The following MEMO1 variants were observed in gnomAD, a reference collection of about 807,000 sequenced individuals.
MEMO1 encodes the protein protein MEMO1.
Under a neutral mutation model 45.2 loss-of-function variants are expected in MEMO1, and 6 were observed. That is an observed-to-expected ratio of 0.13 (90% CI 0.07 to 0.26). The LOEUF is 0.26. Among genes scored for constraint, MEMO1 ranks in the 10% least tolerant of loss-of-function variants. The probability of loss-of-function intolerance (pLI) is 1.00; values close to 1 mark genes in which losing one functional copy is unlikely to be tolerated. For synonymous variants in MEMO1, 78 were observed against 124.3 expected (o/e 0.63, Z 2.48); for missense variants, 184 against 370.5 (o/e 0.50, Z 4.13).
chr2:31,991,458 C>G (rs776208204), intron 2 of MEMO1, among the ~76,000 whole-genome samples: 2 of 151,678 alleles, frequency 1.3e-5, no homozygotes, highest in African/African-American at 4.8e-5. Flanking sequence ...GTAATCCCAG[C>G]TACTTGGGAG....
At chr2:31,919,684 T>A (rs13414295) in intron 5 of MEMO1, among the ~76,000 whole-genome samples, 7 of 151,612 alleles carry the variant, frequency 4.6e-5, no homozygotes, top group African/African-American at 1.7e-4. Context: ...TTAATTGGGT[T>A]TGGTGATGTG....
chr2:31,993,021 G>A (rs922563864), intron 2 of MEMO1, among the ~76,000 whole-genome samples: 3 of 152,024 alleles, frequency 2.0e-5, no homozygotes, highest in Non-Finnish European at 4.4e-5. Context: ...AAAAAGGGTC[G>A]ATTTTTCTAC....
At chr2:31,981,110 C>T (rs897115965) in intron 2 of MEMO1, among the ~76,000 whole-genome samples, 1 of 152,188 alleles carries the variant, frequency 6.6e-6, no homozygotes, top group Non-Finnish European at 1.5e-5. Flanking sequence ...TTATCAGAAT[C>T]ATATACAGAG....
chr2:31,873,084 C>T (rs1478585892), intron 8 of MEMO1, among the ~76,000 whole-genome samples: 1 of 152,126 alleles, frequency 6.6e-6, no homozygotes, highest in South Asian at 2.1e-4. Flanking sequence ...AAAGAATATC[C>T]TTCCCCAATT....
chr2:31,969,339 A>G (rs1435569172), intron 2 of MEMO1, among the ~76,000 whole-genome samples: 1 of 148,066 alleles, frequency 6.8e-6, no homozygotes, highest in African/African-American at 2.5e-5. Context: ...GTGTATATAT[A>G]CACATTATAC....
intron 6 of MEMO1, among the ~76,000 whole-genome samples, chr2:31,910,961 T>C (rs188498679): frequency 6.0e-4 from 91 of 151,410 alleles, no homozygotes; most frequent in Non-Finnish European, 9.7e-4. Context: ...TATGTATAAA[T>C]GATATGATGA....
At chr2:32,006,586 C>T (rs1381302006) in intron 2 of MEMO1, among the ~76,000 whole-genome samples, 2 of 143,802 alleles carry the variant, frequency 1.4e-5, no homozygotes, top group African/African-American at 5.3e-5. Context: ...GCTACTGGAC[C>T]TTACCAAAAA....
At chr2:31,946,590 G>A (rs1392033016) in intron 2 of MEMO1, among the ~76,000 whole-genome samples, 7 of 152,136 alleles carry the variant, frequency 4.6e-5, no homozygotes, top group Non-Finnish European at 5.9e-5. Flanking sequence ...GGCCAGGCGC[G>A]GTGGCTCATG....
At chr2:31,955,205 C>CA (rs1316653108) in intron 2 of MEMO1, among the ~76,000 whole-genome samples, 1 of 150,760 alleles carries the variant, frequency 6.6e-6, no homozygotes, top group Non-Finnish European at 1.5e-5. Flanking sequence ...AAAAAAAAAA[C>CA]AAAAAACAAA....
At chr2:31,990,571 C>CATTTT (rs1349949014) in intron 2 of MEMO1, among the ~76,000 whole-genome samples, 1 of 119,998 alleles carries the variant, frequency 8.3e-6, no homozygotes, top group Non-Finnish European at 1.8e-5. Flanking sequence ...AATTTTTTTT[C>CATTTT]TTTTTTTTTT....
chr2:31,870,933 T>C (rs1181478357), intron 8 of MEMO1, among the ~76,000 whole-genome samples: 1 of 152,198 alleles, frequency 6.6e-6, no homozygotes, highest in African/African-American at 2.4e-5. Context: ...TTTTTATCTC[T>C]TTATTCTTTA....
chr2:31,883,077 G>A (rs758214580), intron 8 of MEMO1, among the ~76,000 whole-genome samples: 7 of 152,060 alleles, frequency 4.6e-5, no homozygotes, highest in Non-Finnish European at 1.0e-4. Flanking sequence ...GGTTATTACT[G>A]CTTAACAGTA....
chr2:31,935,648 A>C (rs1403372025), intron 3 of MEMO1, among the ~76,000 whole-genome samples: 1 of 152,176 alleles, frequency 6.6e-6, no homozygotes, highest in Non-Finnish European at 1.5e-5. Flanking sequence ...AAAGAAGATA[A>C]TTTCTTGTAA....
chr2:31,888,758 A>C (rs1676529704), intron 7 of MEMO1, among the ~76,000 whole-genome samples: 2 of 152,040 alleles, frequency 1.3e-5, no homozygotes, highest in South Asian at 4.1e-4. Context: ...AAGACTGGTG[A>C]TGCAATAAAA....
chr2:31,997,468 A>T (rs1179708605), intron 2 of MEMO1, among the ~76,000 whole-genome samples: 1 of 152,190 alleles, frequency 6.6e-6, no homozygotes, highest in Non-Finnish European at 1.5e-5. Context: ...CTTAATGCTT[A>T]ATCTGTATTC....
intron 2 of MEMO1, among the ~76,000 whole-genome samples, chr2:31,956,564 T>C (rs1256118580): frequency 6.6e-6 from 1 of 152,180 alleles, no homozygotes; most frequent in African/African-American, 2.4e-5. Context: ...GAGGCTGTAA[T>C]GATTGCACAT....
At chr2:31,881,794 G>C (rs2147935012) in intron 8 of MEMO1, among the ~76,000 whole-genome samples, 1 of 152,216 alleles carries the variant, frequency 6.6e-6, no homozygotes, top group Non-Finnish European at 1.5e-5. Context: ...TTGAAGCCAA[G>C]TGTTCAAAAC....
At chr2:31,902,414 A>T (rs1471783643) in intron 6 of MEMO1, among the ~76,000 whole-genome samples, 1 of 152,154 alleles carries the variant, frequency 6.6e-6, no homozygotes, top group East Asian at 1.9e-4. Flanking sequence ...AAAAAAGTTA[A>T]ATCATTGAAC....
intron 2 of MEMO1, among the ~76,000 whole-genome samples, chr2:31,964,120 A>C (rs1326698386): frequency 6.6e-6 from 1 of 152,178 alleles, no homozygotes; most frequent in Non-Finnish European, 1.5e-5. Context: ...AATACTCTAA[A>C]TCAAATTACC....
Sources: gnomAD v4.1 joint callset for allele counts (sites outside exome capture counted in the v4.1 genomes callset) on GRCh38, gnomAD v4.1.1 for gene constraint, MANE v1.5 for transcripts, NCBI Gene and HGNC (gene_info 2026-07-23, HGNC 2026-07-21) for gene names.